Variants in GTF2H4 observed in about 807,000 individuals in gnomAD.
GTF2H4 encodes the protein BTF2 p52.
In GTF2H4, 49 loss-of-function variants were observed where a neutral mutation model predicts 62.2. That is an observed-to-expected ratio of 0.79 (90% CI 0.63 to 1.00). GTF2H4 has a LOEUF of 1.00. Ranked by LOEUF, GTF2H4 falls within the 50% of genes least tolerant of loss-of-function variation. The pLI, the probability that GTF2H4 is intolerant of heterozygous loss-of-function variation, is 0.00. For missense variants in GTF2H4, 479 were observed against 587.8 expected (o/e 0.81, Z 1.91); for synonymous variants, 189 against 233.8 (o/e 0.81, Z 1.75).
rs144002009 is a variant in GTF2H4, at chr6:30,911,749, G to A, written c.807G>A (p.Gly269=). 1.9e-6 allele frequency: 3 copies of A among 1,612,900 alleles called. No individual in the cohort carries two copies. The African/African-American group carries it at 4.0e-5, about 22-fold the overall frequency. The change falls in exon 9 of 14, where the codon GGG becomes GGA. Residue 269 remains glycine (G), a synonymous_variant. Transcript: ENST00000259895. The surrounding 1 kb of genome is among the most constrained non-coding windows in gnomAD (Gnocchi z 4.3). ...TCCTGCAACATCTGCGTGAGTTTGG[G>A]CTTGTTTTCCAGAGGAAGGTATGAG... is the stretch of plus-strand genomic sequence containing the variant. ...LNFLQHLREF[G]LVFQRKRKSR...
Position 30,909,226 on chromosome 6 carries a change from A to G in GTF2H4, c.137+53A>G. The G allele has an allele frequency of 6.4e-7, 1 of 1,559,148 alleles. No homozygotes were observed. Among genetic ancestry groups the G allele is most frequent in the South Asian group, 1.2e-5 (1 of 84,994 alleles). On this transcript the variant is annotated intron_variant, in intron 2 of 13. Coordinates refer to ENST00000259895, the MANE Select transcript of GTF2H4 (RefSeq NM_001517.5). The surrounding 1 kb of genome is among the most constrained non-coding windows in gnomAD (Gnocchi z 4.3). ...TGTAATGGGGTCTGCGGAGTGGAATAAAATATCATAGGTAAAAGTGTAGCA... is the reference window on the plus strand; with the variant it reads ...TGTAATGGGGTCTGCGGAGTGGAATGAAATATCATAGGTAAAAGTGTAGCA...
rs1448305007 is a variant in GTF2H4, at chr6:30,912,792, T to C, written c.1090-318T>C. On this transcript the variant is annotated intron_variant, in intron 11 of 13. Transcript: ENST00000259895. This position sits in a 1 kb window ranked among gnomAD's most constrained non-coding sequence, Gnocchi z 4.8. ...ACCTCAGGGTTGCCGGGATAATTCATTGGAAGAATAGGGGCAAAGCATTGA... is the reference window on the plus strand; with the variant it reads ...ACCTCAGGGTTGCCGGGATAATTCACTGGAAGAATAGGGGCAAAGCATTGA... Among the ~76,000 whole-genome samples, 1 of 152,058 alleles carries C rather than the reference T, an allele frequency of 6.6e-6. No individual in the cohort carries two copies. The highest frequency in any genetic ancestry group is 1.5e-5 in the Non-Finnish European group (1 of 67,996).
Position 30,912,149 on chromosome 6 carries a change from G to A in GTF2H4, c.958+3G>A, listed in dbSNP as rs1793789252. ...TTACCGACTGTATGCCTACACGGGT[G>A]AGGCGGGACAGAGGGCCCCTGGAAG... is the stretch of plus-strand genomic sequence containing the variant. On this transcript the variant is annotated splice_donor_region_variant and intron_variant, in intron 10 of 13. Transcript: ENST00000259895. This position sits in a 1 kb window ranked among gnomAD's most constrained non-coding sequence, Gnocchi z 4.8. 6.2e-7 allele frequency: 1 copy of A among 1,612,814 alleles called. No individual in the cohort carries two copies. Among genetic ancestry groups the A allele is most frequent in the Non-Finnish European group, 8.5e-7 (1 of 1,179,992 alleles).
rs564153429 is a variant in GTF2H4 at position 30,909,802 on chromosome 6, A to T, written c.243-130A>T. ...ATGCAGTAAAGAATTTGTCTTAGGAAGATACTAATTTCACTCTGTGGAACA... is the reference window on the plus strand; with the variant it reads ...ATGCAGTAAAGAATTTGTCTTAGGATGATACTAATTTCACTCTGTGGAACA... On this transcript the variant is annotated intron_variant, in intron 3 of 13. Transcript: ENST00000259895. This position sits in a 1 kb window ranked among gnomAD's most constrained non-coding sequence, Gnocchi z 4.3. The T allele has an allele frequency of 1.2e-6, 1 of 856,876 alleles. No individual in the cohort carries two copies. The highest frequency in any genetic ancestry group is 1.9e-6 in the Non-Finnish European group (1 of 540,364). The allele number at this position is 856,876 out of a possible 1,614,324, so 53.1% of individuals were successfully genotyped here.
chr6:30,911,292 C>A lies in GTF2H4; in HGVS notation c.672+23C>A. The A allele has an allele frequency of 1.3e-6, 2 of 1,571,024 alleles. No homozygotes were observed. The highest frequency in any genetic ancestry group is 1.8e-6 in the Non-Finnish European group (2 of 1,141,912). On this transcript the variant is annotated intron_variant, in intron 7 of 13. Transcript: ENST00000259895. The surrounding 1 kb of genome is among the most constrained non-coding windows in gnomAD (Gnocchi z 4.3). ...CAGGTGAGGAGGCAGGGCCACTTAACCAGCATGCTCTGCTCCTCTCAGGTC... is the reference window on the plus strand; with the variant it reads ...CAGGTGAGGAGGCAGGGCCACTTAAACAGCATGCTCTGCTCCTCTCAGGTC...
rs755328841 is a variant in GTF2H4 at position 30,913,972 on chromosome 6, CAT to C, written c.1380_1381del (p.His460GlnfsTer?). ...DVKRFWKRQK[H>X]SS ...CAAGCGCTTTTGGAAGCGGCAGAAA[CAT>C]AGCTCCTGAGAGCGCGGGACTTGGA... On this transcript the variant is annotated frameshift_variant, in exon 14 of 14. Coordinates refer to ENST00000259895, the MANE Select transcript of GTF2H4 (RefSeq NM_001517.5). LOFTEE classifies it high-confidence loss of function. The surrounding 1 kb of genome is among the most constrained non-coding windows in gnomAD (Gnocchi z 4.2). 50 of 1,591,712 alleles carry C rather than the reference CAT, an allele frequency of 3.1e-5. No individual in the cohort carries two copies. Among genetic ancestry groups the C allele is most frequent in the Non-Finnish European group, 3.9e-5 (46 of 1,168,708 alleles).
At position 30,911,621 on chromosome 6, in the gene GTF2H4, T is replaced by C. The variant is rs573849766; in HGVS notation, c.742-63T>C. ...CAGAGATGGAGAAAGAAAGAATGAA[T>C]GTATGGGGTTGGGGGTGGGTGGGTT... On this transcript the variant is annotated intron_variant, in intron 8 of 13. Transcript: ENST00000259895. This position sits in a 1 kb window ranked among gnomAD's most constrained non-coding sequence, Gnocchi z 4.3. 3.3e-6 allele frequency: 4 copies of C among 1,205,208 alleles called. No individual in the cohort carries two copies. The East Asian group carries it at 9.9e-5, about 30-fold the overall frequency. 74.7% of individuals were successfully genotyped at this position (1,205,208 alleles called of 1,614,324 possible). A position where few individuals can be genotyped will look rare whatever the true frequency, so the allele number is the denominator to read the frequency against.
At position 30,913,942 on chromosome 6, in the gene GTF2H4, G is replaced by A. The variant is rs775333942; in HGVS notation, c.1348G>A (p.Asp450Asn). 55 of 1,606,364 alleles carry A rather than the reference G, an allele frequency of 3.4e-5. No homozygotes were observed. Among genetic ancestry groups the A allele is most frequent in the Non-Finnish European group, 4.5e-5 (53 of 1,176,702 alleles). The change falls in exon 14 of 14, where the codon GAC becomes AAC. Residue 450 changes from aspartate (D) to asparagine (N), a missense_variant. Physicochemically the swap from Asp to Asn is conservative, Grantham distance 23. Transcript: ENST00000259895. The surrounding 1 kb of genome is among the most constrained non-coding windows in gnomAD (Gnocchi z 4.2). ...LMVVTPAGHS[D>N]VKRFWKRQKH... is the part of the protein sequence containing the mutation. ...GGTGGTGACCCCGGCCGGGCACAGCGACGTCAAGCGCTTTTGGAAGCGGCA... is the reference window on the plus strand; with the variant it reads ...GGTGGTGACCCCGGCCGGGCACAGCAACGTCAAGCGCTTTTGGAAGCGGCA...
chr6:30,910,281 A>G lies in GTF2H4; in HGVS notation c.374+218A>G, dbSNP rs1333004756. Among the ~76,000 whole-genome samples the G allele has an allele frequency of 6.6e-6, 1 of 152,126 alleles. No homozygotes were observed. The highest frequency in any genetic ancestry group is 1.5e-5 in the Non-Finnish European group (1 of 68,012). ...CTGAGGATAAGGGTGGAAAGATGGC[A>G]GAGGGCAGCAAGGAACACAGACAGG... is the stretch of plus-strand genomic sequence containing the variant. On this transcript the variant is annotated intron_variant, in intron 4 of 13. Transcript: ENST00000259895. The surrounding 1 kb of genome is among the most constrained non-coding windows in gnomAD (Gnocchi z 4.7).
Position 30,910,118 on chromosome 6 carries a change from A to G in GTF2H4, c.374+55A>G. On this transcript the variant is annotated intron_variant, in intron 4 of 13. Coordinates refer to ENST00000259895, the MANE Select transcript of GTF2H4 (RefSeq NM_001517.5). The surrounding 1 kb of genome is among the most constrained non-coding windows in gnomAD (Gnocchi z 4.7). ...GGGCAGGGGAACTGCTGCTTATTAA[A>G]CCACTAATTAAACTTTGGGAGGGGG... The G allele has an allele frequency of 2.5e-6, 4 of 1,588,282 alleles. No homozygotes were observed. Among genetic ancestry groups the G allele is most frequent in the Non-Finnish European group, 2.6e-6 (3 of 1,166,184 alleles).
At position 30,910,174 on chromosome 6, in the gene GTF2H4, G is replaced by T. The variant is rs962731403; in HGVS notation, c.374+111G>T. 5.0e-6 allele frequency: 6 copies of T among 1,211,064 alleles called. No homozygotes were observed. In the South Asian group the frequency reaches 7.0e-5, roughly 14 times the overall value. The allele number at this position is 1,211,064 out of a possible 1,614,324, so 75.0% of individuals were successfully genotyped here. A position where few individuals can be genotyped will look rare whatever the true frequency, so the allele number is the denominator to read the frequency against. On this transcript the variant is annotated intron_variant, in intron 4 of 13. Coordinates refer to ENST00000259895, the MANE Select transcript of GTF2H4 (RefSeq NM_001517.5). This position sits in a 1 kb window ranked among gnomAD's most constrained non-coding sequence, Gnocchi z 4.7. ...CTGGGGGCCTCCCCAGAACCTTGTG[G>T]TCTCCACGTTGGGAACTCCTTTAGG...
rs1419025843 is a variant in GTF2H4, at chr6:30,911,360, C to T, written c.673-71C>T. The T allele has an allele frequency of 3.3e-6, 5 of 1,535,990 alleles. No homozygotes were observed. Among genetic ancestry groups the T allele is most frequent in the Non-Finnish European group, 4.5e-6 (5 of 1,110,470 alleles). The stretch of plus-strand genomic sequence containing the variant: ...CCTACAGACTGTTCCCTGATTTTCT[C>T]TTCTCTGTCCCTTTCTTCCCATTGT... On this transcript the variant is annotated intron_variant, in intron 7 of 13. Coordinates refer to ENST00000259895, the MANE Select transcript of GTF2H4 (RefSeq NM_001517.5). This position sits in a 1 kb window ranked among gnomAD's most constrained non-coding sequence, Gnocchi z 4.3.
In GTF2H4 at chr6:30,912,301, C is replaced by G. The variant is rs776199644; in HGVS notation, c.959-27C>G. 41 of 1,612,152 alleles carry G rather than the reference C, an allele frequency of 2.5e-5. No homozygotes were observed. Among genetic ancestry groups the G allele is most frequent in the Non-Finnish European group, 3.5e-5 (41 of 1,179,608 alleles). Reference sequence around the variant, plus strand: ...GGAGTCTGGGTGTGGGGGTGGCCTCCTCATCCTCTTTCTATCCCTGGCTCA... The same window carrying G: ...GGAGTCTGGGTGTGGGGGTGGCCTCGTCATCCTCTTTCTATCCCTGGCTCA... On this transcript the variant is annotated intron_variant, in intron 10 of 13. Transcript: ENST00000259895. This position sits in a 1 kb window ranked among gnomAD's most constrained non-coding sequence, Gnocchi z 4.8.
rs1793778715 is a variant in GTF2H4, at chr6:30,911,937, G to T, written c.826-77G>T. 1 of 1,554,054 alleles carries T rather than the reference G, an allele frequency of 6.4e-7. No homozygotes were observed. Among genetic ancestry groups the T allele is most frequent in the Non-Finnish European group, 8.8e-7 (1 of 1,138,420 alleles). ...GGGGTTGAGGTTCTGCATCTTGGGA[G>T]GGATCTGATATTTCAGGCAGGAAGA... On this transcript the variant is annotated intron_variant, in intron 9 of 13. Coordinates refer to ENST00000259895, the MANE Select transcript of GTF2H4 (RefSeq NM_001517.5). The surrounding 1 kb of genome is among the most constrained non-coding windows in gnomAD (Gnocchi z 4.3).
In GTF2H4 at chr6:30,911,344, T is replaced by C. The variant is rs1793754067; in HGVS notation, c.672+75T>C. On this transcript the variant is annotated intron_variant, in intron 7 of 13. Transcript: ENST00000259895. This position sits in a 1 kb window ranked among gnomAD's most constrained non-coding sequence, Gnocchi z 4.3. The stretch of plus-strand genomic sequence containing the variant: ...CACTGAGAGACTCCTGCCTACAGAC[T>C]GTTCCCTGATTTTCTCTTCTCTGTC... 5 of 1,524,192 alleles carry C rather than the reference T, an allele frequency of 3.3e-6. No individual in the cohort carries two copies. In the South Asian group the frequency reaches 5.6e-5, roughly 17 times the overall value. The allele number at this position is 1,524,192 out of a possible 1,614,324, so 94.4% of individuals were successfully genotyped here. A position where few individuals can be genotyped will look rare whatever the true frequency, so the allele number is the denominator to read the frequency against.
At position 30,913,440 on chromosome 6, in the gene GTF2H4, C is replaced by G. The variant is rs1430438107; in HGVS notation, c.1216+53C>G. On this transcript the variant is annotated intron_variant, in intron 13 of 13. Coordinates refer to ENST00000259895, the MANE Select transcript of GTF2H4 (RefSeq NM_001517.5). The surrounding 1 kb of genome is among the most constrained non-coding windows in gnomAD (Gnocchi z 4.2). ...GGTCATTGGCCAGAGAAAGGGCAGACAGTTCAGTCTGCATTTTATTTTTTA... is the reference window on the plus strand; with the variant it reads ...GGTCATTGGCCAGAGAAAGGGCAGAGAGTTCAGTCTGCATTTTATTTTTTA... 6.3e-7 allele frequency: 1 copy of G among 1,575,892 alleles called. No individual in the cohort carries two copies. The highest frequency in any genetic ancestry group is 1.4e-5 in the African/African-American group (1 of 73,532).
rs1793804324 is a variant in GTF2H4, at chr6:30,912,338, G to A, written c.969G>A (p.Leu323=). 6.2e-7 allele frequency: 1 copy of A among 1,612,996 alleles called. No homozygotes were observed. Among genetic ancestry groups the A allele is most frequent in the Non-Finnish European group, 8.5e-7 (1 of 1,180,022 alleles). ...YRLYAYTESE[L]QIALIALFSE... is the part of the protein sequence containing the mutation. The stretch of plus-strand genomic sequence containing the variant: ...CTATCCCTGGCTCAGAGTCGGAGCT[G>A]CAGATTGCCCTCATTGCCCTCTTCT... The change falls in exon 11 of 14, where the codon CTG becomes CTA. Residue 323 remains leucine (L), a synonymous_variant. Coordinates refer to ENST00000259895, the MANE Select transcript of GTF2H4 (RefSeq NM_001517.5). This position sits in a 1 kb window ranked among gnomAD's most constrained non-coding sequence, Gnocchi z 4.8.
rs3218816 is a variant in GTF2H4 at position 30,911,080 on chromosome 6, G to A, written c.561-78G>A. 37,801 of 1,377,974 alleles carry A rather than the reference G, an allele frequency of 0.027. 729 individuals carry two copies. The highest frequency in any genetic ancestry group is 0.034 in the Non-Finnish European group (33,103 of 969,898). The allele number at this position is 1,377,974 out of a possible 1,614,324, so 85.4% of individuals were successfully genotyped here. A position where few individuals can be genotyped will look rare whatever the true frequency, so the allele number is the denominator to read the frequency against. ...AGTAGAATATAGCCAGAGATACCAAGAAAAAACGTGAGTGGACAAGTGGGG... is the reference window on the plus strand; with the variant it reads ...AGTAGAATATAGCCAGAGATACCAAAAAAAAACGTGAGTGGACAAGTGGGG... On this transcript the variant is annotated intron_variant, in intron 6 of 13. Coordinates refer to ENST00000259895, the MANE Select transcript of GTF2H4 (RefSeq NM_001517.5). This position sits in a 1 kb window ranked among gnomAD's most constrained non-coding sequence, Gnocchi z 4.3.
At position 30,909,807 on chromosome 6, in the gene GTF2H4, C is replaced by T. The variant is rs927512458; in HGVS notation, c.243-125C>T. On this transcript the variant is annotated intron_variant, in intron 3 of 13. Coordinates refer to ENST00000259895, the MANE Select transcript of GTF2H4 (RefSeq NM_001517.5). The surrounding 1 kb of genome is among the most constrained non-coding windows in gnomAD (Gnocchi z 4.3). The stretch of plus-strand genomic sequence containing the variant: ...GTAAAGAATTTGTCTTAGGAAGATA[C>T]TAATTTCACTCTGTGGAACAGTGTT... 1.1e-6 allele frequency: 1 copy of T among 908,430 alleles called. No homozygotes were observed. Among genetic ancestry groups the T allele is most frequent in the East Asian group, 2.4e-5 (1 of 41,178 alleles). The allele number at this position is 908,430 out of a possible 1,614,324, so 56.3% of individuals were successfully genotyped here.
Sources: allele counts gnomAD v4.1 joint callset (sites outside exome capture counted in the v4.1 genomes callset), GRCh38; gene constraint gnomAD v4.1.1; non-coding constraint Gnocchi (gnomAD v3.1); transcripts MANE v1.5; gene names NCBI Gene and HGNC (gene_info 2026-07-23, HGNC 2026-07-21).